Variants in PPARA observed in about 807,000 individuals in gnomAD.
The protein encoded by PPARA is peroxisome proliferator activated receptor alpha, also known as peroxisome proliferator-activated receptor alpha.
A neutral mutation model predicts 42.2 loss-of-function variants in PPARA; 22 were observed. That is an observed-to-expected ratio of 0.52 (90% CI 0.37 to 0.74). The LOEUF is 0.74. Among genes scored for constraint, PPARA ranks in the 30% least tolerant of loss-of-function variants. The pLI is 0.00. For synonymous variants in PPARA, 242 were observed against 239.3 expected, an observed-to-expected ratio of 1.01 and a Z score of -0.10; for missense variants, 465 against 608.2, an observed-to-expected ratio of 0.76 and a Z score of 2.48.
intron 3 of PPARA, among the ~76,000 whole-genome samples, chr22:46,197,020 C>T (rs1026786192): frequency 6.6e-6 from 1 of 151,672 alleles, no homozygotes; most frequent in Non-Finnish European, 1.5e-5. Context: ...TGCACCCGAC[C>T]CTGTTTTTTG....
intron 2 of PPARA, chr22:46,164,872 G>A (rs1926804511): frequency 6.6e-6 from 1 of 152,174 alleles, no homozygotes. Context: ...TTCAGTCTAT[G>A]GATTTTATTG....
In PPARA at chr22:46,167,277, ATAT is replaced by A. The variant is rs1451963720; in HGVS notation, c.-126-9472_-126-9470del. ...GTAATAATAGTATATATCATGTTAC[ATAT>A]TATATTATGTAATATATATTATATG... On this transcript the variant is annotated intron_variant, in intron 2 of 8. Transcript: ENST00000407236. This position sits in a 1 kb window ranked among gnomAD's most constrained non-coding sequence, Gnocchi z 4.1. Among the ~76,000 whole-genome samples the A allele has an allele frequency of 6.6e-6, 1 of 150,928 alleles. No individual in the cohort carries two copies. Among genetic ancestry groups the A allele is most frequent in the Non-Finnish European group, 1.5e-5 (1 of 67,814 alleles).
chr22:46,177,212 A>AAAAAT (rs4253673), intron 3 of PPARA, among the ~76,000 whole-genome samples: 7,146 of 151,874 alleles, frequency 0.047, 173 homozygotes, highest in Middle Eastern at 0.11. Context: ...CCCTGTCTCA[A>AAAAAT]AAAATAAAAT....
rs1404390230 is a variant in PPARA at position 46,195,844 on chromosome 22, C to T, written c.-42-2498C>T. ...GTGTGCGCCGTGGGCACCATGTGACCATTTTCAGAAAGGAAGACAGTTCTG... is the reference window on the plus strand; with the variant it reads ...GTGTGCGCCGTGGGCACCATGTGACTATTTTCAGAAAGGAAGACAGTTCTG... On this transcript the variant is annotated intron_variant, in intron 3 of 8. Transcript: ENST00000407236. The surrounding 1 kb of genome is among the most constrained non-coding windows in gnomAD (Gnocchi z 4.6). Among the ~76,000 whole-genome samples the T allele has an allele frequency of 1.3e-5, 2 of 152,104 alleles. No homozygotes were observed. Among genetic ancestry groups the T allele is most frequent in the East Asian group, 3.9e-4 (2 of 5,184 alleles).
At position 46,191,602 on chromosome 22, in the gene PPARA, A is replaced by G. The variant is rs919421902; in HGVS notation, c.-42-6740A>G. 1.3e-5 allele frequency among the ~76,000 whole-genome samples: 2 copies of G among 151,302 alleles called. No individual in the cohort carries two copies. The highest frequency in any genetic ancestry group is 2.9e-5 in the Non-Finnish European group (2 of 67,942). ...AGAGTCCCTTTGACTTCTGTTCTAG[A>G]TATCCATTACATTTTTGTAGTCTTC... is the stretch of plus-strand genomic sequence containing the variant. On this transcript the variant is annotated intron_variant, in intron 3 of 8. Transcript: ENST00000407236. The surrounding 1 kb of genome is among the most constrained non-coding windows in gnomAD (Gnocchi z 4.6).
In PPARA at chr22:46,212,356, C is replaced by T. The variant is rs1463640653; in HGVS notation, c.209-2817C>T. ...ACAGGCATGAGCTACCGTGCCCAGA[C>T]CACTGTTAGATTTTCATATGAATAG... is the stretch of plus-strand genomic sequence containing the variant. On this transcript the variant is annotated intron_variant, in intron 4 of 8. Transcript: ENST00000407236. The surrounding 1 kb of genome is among the most constrained non-coding windows in gnomAD (Gnocchi z 4.2). Among the ~76,000 whole-genome samples the T allele has an allele frequency of 6.6e-6, 1 of 152,304 alleles. No individual in the cohort carries two copies. The highest frequency in any genetic ancestry group is 2.4e-5 in the African/African-American group (1 of 41,564).
chr22:46,207,486 T>C (rs1338703775), intron 4 of PPARA, among the ~76,000 whole-genome samples: 1 of 149,892 alleles, frequency 6.7e-6, no homozygotes, highest in Non-Finnish European at 1.5e-5. Flanking sequence ...GGTTTCACCA[T>C]GTTAGCCAGG....
rs931797592 is a variant in PPARA at position 46,162,372 on chromosome 22, C to T, written c.-127+10402C>T. Among the ~76,000 whole-genome samples, 5 of 152,182 alleles carry T rather than the reference C, an allele frequency of 3.3e-5. No homozygotes were observed. Among genetic ancestry groups the T allele is most frequent in the Non-Finnish European group, 7.3e-5 (5 of 68,034 alleles). On this transcript the variant is annotated intron_variant, in intron 2 of 8. Transcript: ENST00000407236. This position sits in a 1 kb window ranked among gnomAD's most constrained non-coding sequence, Gnocchi z 6.0. The stretch of plus-strand genomic sequence containing the variant: ...GACCGACACGCTGTCTACACAAACC[C>T]CTTCTGGTTCTTCTCGTGCACTGGG...
chr22:46,200,243 T>C lies in PPARA; in HGVS notation c.208+1652T>C, dbSNP rs984493616. Among the ~76,000 whole-genome samples, 3 of 152,254 alleles carry C rather than the reference T, an allele frequency of 2.0e-5. No homozygotes were observed. The highest frequency in any genetic ancestry group is 2.1e-4 in the South Asian group (1 of 4,834). ...AACCTGGGTGGTGTGTACATGGGTA[T>C]TACAGTCATGTTGCTTAATGACAGG... On this transcript the variant is annotated intron_variant, in intron 4 of 8. Coordinates refer to ENST00000407236, the MANE Select transcript of PPARA (RefSeq NM_005036.6). The surrounding 1 kb of genome is among the most constrained non-coding windows in gnomAD (Gnocchi z 4.8).
intron 2 of PPARA, among the ~76,000 whole-genome samples, chr22:46,153,228 G>A (rs1207009268): frequency 7.5e-6 from 1 of 133,674 alleles, no homozygotes; most frequent in East Asian, 2.2e-4. Context: ...GGAGTGCAGT[G>A]GCATGATCTT....
At chr22:46,157,373 C>G (rs372709296) in intron 2 of PPARA, among the ~76,000 whole-genome samples, 26 of 152,262 alleles carry the variant, frequency 1.7e-4, no homozygotes, top group African/African-American at 6.0e-4. Flanking sequence ...ATGGCCCGCT[C>G]CATCCCACCG....
Position 46,238,282 on chromosome 22 carries a change from G to A in PPARA, c.*2902G>A, listed in dbSNP as rs1936275391. 1 of 152,162 alleles carries A rather than the reference G, an allele frequency of 6.6e-6. No homozygotes were observed. The highest frequency in any genetic ancestry group is 1.5e-5 in the Non-Finnish European group (1 of 68,036). 9.4% of individuals were successfully genotyped at this position (152,162 alleles called of 1,614,324 possible). A position where few individuals can be genotyped will look rare whatever the true frequency, so the allele number is the denominator to read the frequency against. On this transcript the variant is annotated 3_prime_UTR_variant, in exon 9 of 9. Coordinates refer to ENST00000407236, the MANE Select transcript of PPARA (RefSeq NM_005036.6). This position sits in a 1 kb window ranked among gnomAD's most constrained non-coding sequence, Gnocchi z 8.3. The stretch of plus-strand genomic sequence containing the variant: ...AACCACTAATTGCCACTCAATGCTG[G>A]AATATTTTGGGTCACCTAATCATAG...
rs968003963 is a variant in PPARA, at chr22:46,203,594, C to T, written c.208+5003C>T. Among the ~76,000 whole-genome samples the T allele has an allele frequency of 3.9e-4, 60 of 152,080 alleles. No individual in the cohort carries two copies. The highest frequency in any genetic ancestry group is 1.2e-4 in the Non-Finnish European group (8 of 68,014). On this transcript the variant is annotated intron_variant, in intron 4 of 8. Coordinates refer to ENST00000407236, the MANE Select transcript of PPARA (RefSeq NM_005036.6). This position sits in a 1 kb window ranked among gnomAD's most constrained non-coding sequence, Gnocchi z 5.8. ...GACCAGGAAAAATTAGGCACGTGGA[C>T]ACGTTGAAGGGTGAGGAGAGCAGTA...
chr22:46,161,518 G>A lies in PPARA; in HGVS notation c.-127+9548G>A, dbSNP rs913369152. On this transcript the variant is annotated intron_variant, in intron 2 of 8. Coordinates refer to ENST00000407236, the MANE Select transcript of PPARA (RefSeq NM_005036.6). The surrounding 1 kb of genome is among the most constrained non-coding windows in gnomAD (Gnocchi z 4.8). Reference sequence around the variant, plus strand: ...GGAGAATCACTTGAACCCGGGAGGCGGAGGCTGCAGTGAACCAAGATTGTG... The same window carrying A: ...GGAGAATCACTTGAACCCGGGAGGCAGAGGCTGCAGTGAACCAAGATTGTG... Among the ~76,000 whole-genome samples the A allele has an allele frequency of 3.3e-5, 5 of 152,082 alleles. No homozygotes were observed. The highest frequency in any genetic ancestry group is 5.9e-5 in the Non-Finnish European group (4 of 68,018).
intron 4 of PPARA, among the ~76,000 whole-genome samples, chr22:46,202,712 C>T (rs1000082007): frequency 1.3e-5 from 2 of 151,362 alleles, no homozygotes; most frequent in African/African-American, 4.8e-5. Flanking sequence ...GCTGCCCAGG[C>T]TGGAGTGCAG....
At chr22:46,186,337 G>C (rs1279998501) in intron 3 of PPARA, among the ~76,000 whole-genome samples, 3 of 152,062 alleles carry the variant, frequency 2.0e-5, no homozygotes, top group African/African-American at 7.2e-5. Context: ...TTCTGGTTCA[G>C]CTCAGTTTAT....
Position 46,163,574 on chromosome 22 carries a change from A to G in PPARA, c.-127+11604A>G, listed in dbSNP as rs1926546826. 1 of 152,210 alleles carries G rather than the reference A, an allele frequency of 6.6e-6. No individual in the cohort carries two copies. The highest frequency in any genetic ancestry group is 6.5e-5 in the Admixed American group (1 of 15,284). The allele number at this position is 152,210 out of a possible 1,614,324, so 9.4% of individuals were successfully genotyped here. ...CTCCATTTGGTTTGATAGAAATGAG[A>G]GGTAGATGATTCCCTAGACAAATGC... On this transcript the variant is annotated intron_variant, in intron 2 of 8. Coordinates refer to ENST00000407236, the MANE Select transcript of PPARA (RefSeq NM_005036.6). The surrounding 1 kb of genome is among the most constrained non-coding windows in gnomAD (Gnocchi z 4.9).
chr22:46,177,005 T>C (rs908415883), intron 3 of PPARA, among the ~76,000 whole-genome samples, 169 bp downstream of exon 3: 4 of 152,186 alleles, frequency 2.6e-5, no homozygotes, highest in South Asian at 2.1e-4. Context: ...GGTTAGGAGA[T>C]TGAGACCATC....
chr22:46,152,261 C>A (rs1924558736), intron 2 of PPARA, among the ~76,000 whole-genome samples: 1 of 151,536 alleles, frequency 6.6e-6, no homozygotes, highest in Admixed American at 6.6e-5. Flanking sequence ...GCCTCAGCCT[C>A]CCGAGTAGCT....
Sources: allele counts gnomAD v4.1 joint callset (sites outside exome capture counted in the v4.1 genomes callset), GRCh38; gene constraint gnomAD v4.1.1; non-coding constraint Gnocchi (gnomAD v3.1); transcripts MANE v1.5; gene names NCBI Gene and HGNC (gene_info 2026-07-23, HGNC 2026-07-21).